Variants in PHLPP1 observed in about 807,000 individuals in gnomAD.
PHLPP1 encodes the protein PH domain leucine-rich repeat-containing protein phosphatase 1.
Under a neutral mutation model 117.2 loss-of-function variants are expected in PHLPP1, and 42 were observed. The ratio of observed to expected loss-of-function variants is 0.36; its 90% confidence interval spans 0.28 to 0.46. The LOEUF is 0.46. Among genes scored for constraint, PHLPP1 ranks in the 20% least tolerant of loss-of-function variants. The pLI is 1.00. For missense variants in PHLPP1, 2,084 were observed against 2,241.9 expected (o/e 0.93, Z 1.42); for synonymous variants, 1,042 against 970.7 (o/e 1.07, Z -1.37).
intron 1 of PHLPP1, among the ~76,000 whole-genome samples, chr18:62,815,194 G>A (rs963442597): frequency 1.6e-5 from 2 of 128,092 alleles, no homozygotes; most frequent in African/African-American, 6.0e-5. Flanking sequence ...GTCTTGCTCT[G>A]TTGCCCAGGC....
intron 7 of PHLPP1, 132 bp downstream of exon 7, chr18:62,903,298 C>A: frequency 7.6e-6 from 5 of 655,916 alleles, no homozygotes; most frequent in Non-Finnish European, 1.3e-5. Context: ...AAATAAAAGT[C>A]ACAAAAGAAA....
chr18:62,967,842 TA>T (rs1038559367), intron 14 of PHLPP1, among the ~76,000 whole-genome samples: 1 of 151,878 alleles, frequency 6.6e-6, no homozygotes, highest in Non-Finnish European at 1.5e-5. Flanking sequence ...TTTTTTTTTT[TA>T]GACAGCGTTT....
chr18:62,912,225 C>T (rs1243943683), intron 8 of PHLPP1, among the ~76,000 whole-genome samples: 9 of 147,734 alleles, frequency 6.1e-5, no homozygotes, highest in South Asian at 2.1e-4. Flanking sequence ...GTGGGTGCAG[C>T]GCACTAGCAT....
At chr18:62,803,733 T>C (rs913091105) in intron 1 of PHLPP1, among the ~76,000 whole-genome samples, 1 of 152,240 alleles carries the variant, frequency 6.6e-6, no homozygotes, top group Non-Finnish European at 1.5e-5. Context: ...GGATAAGTTA[T>C]AGGGTATTTA....
intron 1 of PHLPP1, among the ~76,000 whole-genome samples, chr18:62,756,194 T>C (rs574554789): frequency 4.9e-4 from 74 of 152,198 alleles, no homozygotes; most frequent in Non-Finnish European, 8.1e-4. Context: ...GCTTCGTGTA[T>C]ACATCATTAT....
intron 1 of PHLPP1, among the ~76,000 whole-genome samples, chr18:62,739,796 T>A (rs1911470064): frequency 6.6e-6 from 1 of 152,120 alleles, no homozygotes; most frequent in Non-Finnish European, 1.5e-5. Context: ...AGTCTTTGGG[T>A]CTCAATTGGC....
At chr18:62,889,580 C>T (rs184184387) in intron 4 of PHLPP1, 16 of 152,514 alleles carry the variant, frequency 1.0e-4, no homozygotes, top group Non-Finnish European at 1.8e-4. Flanking sequence ...CCATTCCTCA[C>T]CGTACCAGGG....
chr18:62,773,322 G>A (rs1912851947), intron 1 of PHLPP1, among the ~76,000 whole-genome samples: 1 of 152,216 alleles, frequency 6.6e-6, no homozygotes, highest in Non-Finnish European at 1.5e-5. Context: ...GTAGAAGGTG[G>A]AACGTTGTCA....
At chr18:62,824,371 T>C (rs1914551033) in intron 1 of PHLPP1, among the ~76,000 whole-genome samples, 1 of 151,932 alleles carries the variant, frequency 6.6e-6, no homozygotes, top group Non-Finnish European at 1.5e-5. Context: ...CTGTGGTATA[T>C]TCATACAATG....
chr18:62,861,563 A>T lies in PHLPP1; in HGVS notation c.2066+962A>T, dbSNP rs565808791. On this transcript the variant is annotated intron_variant, in intron 4 of 16. Transcript: ENST00000262719. ...TTTGATACTTATATATTTGTTGCAAATATGTAAGACTATGTAACTGCAAAG... is the reference window on the plus strand; with the variant it reads ...TTTGATACTTATATATTTGTTGCAATTATGTAAGACTATGTAACTGCAAAG... Among the ~76,000 whole-genome samples, 4 of 152,346 alleles carry T rather than the reference A, an allele frequency of 2.6e-5. No individual in the cohort carries two copies. The East Asian group carries it at 5.8e-4, about 22-fold the overall frequency.
At chr18:62,760,177 A>T (rs568168206) in intron 1 of PHLPP1, among the ~76,000 whole-genome samples, 28 of 152,208 alleles carry the variant, frequency 1.8e-4, no homozygotes, top group Non-Finnish European at 3.4e-4. Context: ...GTATGAAATA[A>T]TAAGATTATT....
chr18:62,923,992 C>G (rs2144430243), intron 10 of PHLPP1, among the ~76,000 whole-genome samples: 1 of 152,234 alleles, frequency 6.6e-6, no homozygotes, highest in Admixed American at 6.5e-5. Context: ...TGAGAAATGA[C>G]TAAACATAGG....
chr18:62,842,039 G>T (rs1290966282), intron 3 of PHLPP1, among the ~76,000 whole-genome samples: 1 of 151,916 alleles, frequency 6.6e-6, no homozygotes, highest in African/African-American at 2.4e-5. Flanking sequence ...AATAATAATA[G>T]TACTTACCTT....
At chr18:62,717,896 T>TA (rs1271096667) in intron 1 of PHLPP1, among the ~76,000 whole-genome samples, 2 of 151,500 alleles carry the variant, frequency 1.3e-5, no homozygotes, top group East Asian at 1.9e-4. Context: ...TTGTCTTGCA[T>TA]AAAAAAAAAG....
Position 62,905,271 on chromosome 18 carries a change from A to G in PHLPP1, c.2695A>G (p.Met899Val). The change falls in exon 8 of 17, where the codon ATG (methionine) becomes GTG (valine). Residue 899 changes from methionine (M) to valine (V), a missense_variant. Physicochemically the swap from Met to Val is conservative, Grantham distance 21 (BLOSUM62 1). Around this residue, in one of 2 missense-constraint regions of PHLPP1, gnomAD observed 1,365 missense variants for 1,605.9 expected, o/e 0.85. Coordinates refer to ENST00000262719, the MANE Select transcript of PHLPP1 (RefSeq NM_194449.4). ...VYPVPNYLSY[M>V]DVSRNRLENV... ...CCCAGTTCCAAATTATCTGTCCTAC[A>G]TGGATGTTTCAAGGTAAGAAGTCAA... The G allele has an allele frequency of 1.3e-6, 2 of 1,513,774 alleles. No homozygotes were observed. The allele number at this position is 1,513,774 out of a possible 1,614,324, so 93.8% of individuals were successfully genotyped here.
At chr18:62,822,937 A>G (rs1008907460) in intron 1 of PHLPP1, among the ~76,000 whole-genome samples, 1 of 152,230 alleles carries the variant, frequency 6.6e-6, no homozygotes, top group African/African-American at 2.4e-5. Context: ...CAATTGATGT[A>G]GCCTTTTGCC....
At chr18:62,900,348 TAAAA>T (rs1555680659) in intron 6 of PHLPP1, among the ~76,000 whole-genome samples, 1 of 122,054 alleles carries the variant, frequency 8.2e-6, no homozygotes, top group African/African-American at 2.9e-5. Flanking sequence ...AATAAATAAA[TAAAA>T]AGTTTGTCCT....
In PHLPP1 at chr18:62,862,208, T is replaced by C. The variant is rs1008996920; in HGVS notation, c.2066+1607T>C. 4.6e-5 allele frequency among the ~76,000 whole-genome samples: 7 copies of C among 152,192 alleles called. No homozygotes were observed. In the East Asian group the frequency reaches 1.4e-3, roughly 29 times the overall value. Reference sequence around the variant, plus strand: ...GATTCTCCCGCCTCAGCCTCTGAAGTAGCTGGGATTACAGGCGCTCCCCCA... The same window carrying C: ...GATTCTCCCGCCTCAGCCTCTGAAGCAGCTGGGATTACAGGCGCTCCCCCA... On this transcript the variant is annotated intron_variant, in intron 4 of 16. Transcript: ENST00000262719.
chr18:62,932,997 A>G (rs1909862346), intron 10 of PHLPP1, among the ~76,000 whole-genome samples: 1 of 152,170 alleles, frequency 6.6e-6, no homozygotes, highest in Non-Finnish European at 1.5e-5. Context: ...AATCAAGAAT[A>G]CAATCCCATT....
Sources: gnomAD v4.1 joint callset for allele counts (sites outside exome capture counted in the v4.1 genomes callset) on GRCh38, gnomAD v4.1.1 for gene constraint, gnomAD v4.1.1 regional missense constraint, MANE v1.5 for transcripts, NCBI Gene and HGNC (gene_info 2026-07-23, HGNC 2026-07-21) for gene names.